Variants in KLHL4 observed in about 807,000 individuals in gnomAD.
KLHL4 encodes kelch-like protein 4.
A neutral mutation model predicts 45.8 loss-of-function variants in KLHL4; 17 were observed. That is an observed-to-expected ratio of 0.37 (90% confidence interval 0.25 to 0.56). The LOEUF is 0.56. Among genes scored for constraint, KLHL4 ranks in the 20% least tolerant of loss-of-function variants. KLHL4 has a pLI of 0.79. For synonymous variants in KLHL4, 224 were observed against 189.9 expected (o/e 1.18, Z -1.47); for missense variants, 544 against 544.9 (o/e 1.00, Z 0.02).
At chrX:87,549,010 C>A (rs1432723986) in intron 1 of KLHL4, among the ~76,000 whole-genome samples, 1 of 110,004 alleles carries the variant, frequency 9.1e-6, no homozygotes, top group Non-Finnish European at 1.9e-5. Flanking sequence ...GCCTATTGAT[C>A]TTTTGCCTAC....
intron 1 of KLHL4, among the ~76,000 whole-genome samples, chrX:87,567,749 A>G (rs1459896485): frequency 1.8e-5 from 2 of 110,967 alleles, no homozygotes; most frequent in South Asian, 7.6e-4. Context: ...AGTGGGAGCT[A>G]AACATTGAGT....
intron 1 of KLHL4, among the ~76,000 whole-genome samples, chrX:87,523,084 G>C (rs1281854909): frequency 9.0e-6 from 1 of 111,552 alleles, no homozygotes. Context: ...AGAAATAAAG[G>C]CTTCAAAATG....
chrX:87,636,958 C>G (rs1221381306), intron 9 of KLHL4, among the ~76,000 whole-genome samples: 1 of 111,614 alleles, frequency 9.0e-6, no homozygotes, highest in East Asian at 2.8e-4. Context: ...CTGCCTAAGC[C>G]TAAGGCAAAG....
intron 9 of KLHL4, among the ~76,000 whole-genome samples, chrX:87,660,827 G>A (rs4828484): frequency 0.17 from 19,129 of 112,080 alleles, 1,510 homozygotes; most frequent in Admixed American, 0.3. Flanking sequence ...CTGGGCAACA[G>A]AATGAGACTC....
chrX:87,528,326 T>C (rs1019323455), intron 1 of KLHL4, among the ~76,000 whole-genome samples: 1 of 111,184 alleles, frequency 9.0e-6, no homozygotes, highest in African/African-American at 3.3e-5. Flanking sequence ...GGCAAGCTTT[T>C]TGAAATAACT....
At chrX:87,531,275 A>G (rs1468163183) in intron 1 of KLHL4, among the ~76,000 whole-genome samples, 14 of 110,078 alleles carry the variant, frequency 1.3e-4, no homozygotes. Flanking sequence ...GTTTAATTAG[A>G]TCCCATTTGT....
At chrX:87,535,174 A>C (rs917966484) in intron 1 of KLHL4, among the ~76,000 whole-genome samples, 11 of 111,701 alleles carry the variant, frequency 9.8e-5, no homozygotes, top group Non-Finnish European at 1.5e-4. Context: ...TAATAATTGC[A>C]TATTTACAGA....
chrX:87,546,029 G>A (rs747386475), intron 1 of KLHL4, among the ~76,000 whole-genome samples: 2 of 111,476 alleles, frequency 1.8e-5, no homozygotes, highest in Non-Finnish European at 3.8e-5. Flanking sequence ...AAATTTGCAG[G>A]CTGGCGATGC....
At chrX:87,592,783 T>A (rs930010912) in intron 1 of KLHL4, among the ~76,000 whole-genome samples, 1 of 112,282 alleles carries the variant, frequency 8.9e-6, no homozygotes, top group African/African-American at 3.2e-5. Flanking sequence ...TCCTGTTGAA[T>A]TGTTTGAGCA....
intron 1 of KLHL4, among the ~76,000 whole-genome samples, chrX:87,608,978 G>A (rs1327650117): frequency 9.1e-6 from 1 of 110,395 alleles, no homozygotes; most frequent in Non-Finnish European, 1.9e-5. Context: ...TGTTCTCATT[G>A]TTCAATTCCC....
At chrX:87,525,025 A>G (rs760773624) in intron 1 of KLHL4, among the ~76,000 whole-genome samples, 6 of 111,827 alleles carry the variant, frequency 5.4e-5, no homozygotes, top group Non-Finnish European at 1.1e-4. Context: ...ATGGGCTGTT[A>G]CTGTCTCTAA....
intron 1 of KLHL4, among the ~76,000 whole-genome samples, chrX:87,557,771 T>C (rs773529763): frequency 3.6e-4 from 35 of 96,795 alleles, no homozygotes; most frequent in African/African-American, 1.3e-3. Flanking sequence ...TTTTAAAAGT[T>C]ATTTTGAAAA....
chrX:87,545,267 G>A (rs1931648378), intron 1 of KLHL4, among the ~76,000 whole-genome samples: 1 of 112,092 alleles, frequency 8.9e-6, no homozygotes, highest in South Asian at 3.7e-4. Flanking sequence ...GATATTGTTT[G>A]GCTTTGTGTC....
At chrX:87,533,434 C>T (rs1309568312) in intron 1 of KLHL4, among the ~76,000 whole-genome samples, 1 of 101,364 alleles carries the variant, frequency 9.9e-6, no homozygotes, top group Non-Finnish European at 2.0e-5. Flanking sequence ...AATCATCATT[C>T]TCAGTAAACT....
intron 9 of KLHL4, among the ~76,000 whole-genome samples, chrX:87,661,668 T>C (rs1376107911): frequency 8.9e-6 from 1 of 112,182 alleles, no homozygotes; most frequent in African/African-American, 3.2e-5. Context: ...ACATATCCTA[T>C]AAGTAGATGT....
Position 87,622,357 on chromosome X carries a change from G to T in KLHL4, c.1071G>T (p.Val357=), listed in dbSNP as rs1206320026. 2 of 1,209,177 alleles carry T rather than the reference G, an allele frequency of 1.7e-6. No homozygotes were observed. Among genetic ancestry groups the T allele is most frequent in the East Asian group, 3.0e-5 (1 of 33,769 alleles). Residue 357 remains valine (V), a synonymous_variant, in exon 5 of 11, where the codon GTG becomes GTT. Coordinates refer to ENST00000373119, the MANE Select transcript of KLHL4 (RefSeq NM_019117.5). ...HALMQWVGHD[V]QNRQGELGML... ...TAATGCAGTGGGTGGGGCATGATGT[G>T]CAGAATAGGCAAGGAGAACTGGGGA... is the stretch of plus-strand genomic sequence containing the variant.
chrX:87,609,018 T>C (rs1018381424), intron 1 of KLHL4, among the ~76,000 whole-genome samples: 23 of 110,999 alleles, frequency 2.1e-4, no homozygotes, highest in African/African-American at 7.6e-4. Flanking sequence ...TGGTGTATGG[T>C]TTTTTGTCCT....
intron 1 of KLHL4, among the ~76,000 whole-genome samples, chrX:87,537,649 G>T (rs1931463268): frequency 9.0e-6 from 1 of 110,918 alleles, no homozygotes; most frequent in African/African-American, 3.3e-5. Context: ...ATGCTTAAAT[G>T]AAACTTGGCT....
chrX:87,635,842 T>C (rs1461546726), intron 9 of KLHL4, 67 bp downstream of exon 9: 41 of 809,992 alleles, frequency 5.1e-5, no homozygotes, highest in Non-Finnish European at 6.0e-5. Context: ...AATAGAAAGA[T>C]TTTTTTTCTT....
Sources: allele counts gnomAD v4.1 joint callset (sites outside exome capture counted in the v4.1 genomes callset), GRCh38; gene constraint gnomAD v4.1.1; transcripts MANE v1.5; gene names NCBI Gene and HGNC (gene_info 2026-07-23, HGNC 2026-07-21).